MCTP1: variants seen among roughly 807,000 people sequenced by gnomAD.
MCTP1 encodes multiple C2 and transmembrane domain-containing protein 1.
A neutral mutation model predicts 120.6 loss-of-function variants in MCTP1; 69 were observed. That is an observed-to-expected ratio of 0.57 (90% CI 0.47 to 0.70). MCTP1 has a LOEUF of 0.70. MCTP1 is among the 30% of genes least tolerant of loss of function. The probability of loss-of-function intolerance (pLI) is 0.00; values close to 1 mark genes in which losing one functional copy is unlikely to be tolerated. For missense variants in MCTP1, 1,203 were observed against 1,248.8 expected (o/e 0.96, Z 0.55); for synonymous variants, 529 against 493.1 (o/e 1.07, Z -0.96).
chr5:95,085,264 T>C (rs1755340091), intron 1 of MCTP1, among the ~76,000 whole-genome samples: 1 of 152,148 alleles, frequency 6.6e-6, no homozygotes, highest in African/African-American at 2.4e-5. Context: ...CATTACTGTA[T>C]ATCTTTTATA....
At chr5:94,926,884 G>A (rs7702208) in intron 6 of MCTP1, among the ~76,000 whole-genome samples, 17,283 of 152,138 alleles carry the variant, frequency 0.11, 1,050 homozygotes, top group Admixed American at 0.14. Flanking sequence ...TCCTAGACCT[G>A]AAACACAAGC....
chr5:94,721,288 A>C (rs1384110857), intron 19 of MCTP1, among the ~76,000 whole-genome samples: 4 of 152,132 alleles, frequency 2.6e-5, no homozygotes, highest in African/African-American at 7.2e-5. Flanking sequence ...AGGTAAGCAA[A>C]TATTAAATGC....
rs549727334 is a variant in MCTP1 at position 95,251,840 on chromosome 5, T to C, written c.720+32016A>G. ...GATACTATTATCCACAATTAATAGATAAGGAAACTGAGGTGCAAAGAGATT... is the reference window on the plus strand; with the variant it reads ...GATACTATTATCCACAATTAATAGACAAGGAAACTGAGGTGCAAAGAGATT... On this transcript the variant is annotated intron_variant, in intron 1 of 22. Coordinates refer to ENST00000515393, the MANE Select transcript of MCTP1 (RefSeq NM_024717.7). Among the ~76,000 whole-genome samples the C allele has an allele frequency of 4.6e-5, 7 of 152,204 alleles. No homozygotes were observed. The East Asian group carries it at 1.4e-3, about 29-fold the overall frequency.
chr5:95,076,292 C>A (rs931983002), intron 1 of MCTP1, among the ~76,000 whole-genome samples: 2 of 152,124 alleles, frequency 1.3e-5, no homozygotes, highest in East Asian at 3.9e-4. Flanking sequence ...GTAATGACTA[C>A]TGTACACATT....
intron 1 of MCTP1, among the ~76,000 whole-genome samples, chr5:95,174,272 A>ATTTTTT (rs776274422): frequency 6.6e-6 from 1 of 152,206 alleles, no homozygotes; most frequent in Non-Finnish European, 1.5e-5. Context: ...AAAATGGCCC[A>ATTTTTT]TCAACTGTCC....
chr5:94,951,180 T>C (rs1820468518), intron 3 of MCTP1, among the ~76,000 whole-genome samples: 1 of 152,182 alleles, frequency 6.6e-6, no homozygotes, highest in Non-Finnish European at 1.5e-5. Flanking sequence ...GTGCACATTA[T>C]GTAGCTCCCA....
chr5:94,929,600 T>C, intron 6 of MCTP1: 1 of 895,918 alleles, frequency 1.1e-6, no homozygotes, highest in Non-Finnish European at 1.3e-6. Context: ...TAGTAAAATC[T>C]ATAAAGCTAC....
chr5:94,793,192 C>A (rs191919968), intron 18 of MCTP1: 3 of 152,208 alleles, frequency 2.0e-5, no homozygotes, highest in Admixed American at 6.5e-5. Flanking sequence ...AGCCTGATGA[C>A]GATGGTTATT....
chr5:94,804,546 C>A (rs1357081888), intron 17 of MCTP1, among the ~76,000 whole-genome samples: 2 of 152,176 alleles, frequency 1.3e-5, no homozygotes, highest in Middle Eastern at 3.4e-3. Flanking sequence ...TCATGCCATT[C>A]TCTTGCCTCA....
At position 94,813,659 on chromosome 5, in the gene MCTP1, G is replaced by C. The variant is rs554420457; in HGVS notation, c.2437-14527C>G. Among the ~76,000 whole-genome samples the C allele has an allele frequency of 4.6e-5, 7 of 152,228 alleles. No individual in the cohort carries two copies. The South Asian group carries it at 1.5e-3, about 32-fold the overall frequency. Reference sequence around the variant, plus strand: ...ACCTGTAATCCCAGTACTTTGGATGGTGGATCACTTGAGTCCAGGAGTTTA... The same window carrying C: ...ACCTGTAATCCCAGTACTTTGGATGCTGGATCACTTGAGTCCAGGAGTTTA... On this transcript the variant is annotated intron_variant, in intron 17 of 22. Transcript: ENST00000515393.
chr5:94,888,275 T>C (rs1325604898), intron 12 of MCTP1, among the ~76,000 whole-genome samples: 1 of 152,224 alleles, frequency 6.6e-6, no homozygotes, highest in Non-Finnish European at 1.5e-5. Flanking sequence ...AATAGTATTA[T>C]GCAAATCAGG....
At chr5:95,180,504 G>T (rs1748483013) in intron 1 of MCTP1, among the ~76,000 whole-genome samples, 1 of 152,210 alleles carries the variant, frequency 6.6e-6, no homozygotes, top group East Asian at 1.9e-4. Context: ...TTGGTTTCTG[G>T]GCACTGTGCT....
intron 2 of MCTP1, among the ~76,000 whole-genome samples, chr5:94,978,162 A>C (rs1358926925): frequency 6.6e-6 from 1 of 152,150 alleles, no homozygotes; most frequent in Admixed American, 6.6e-5. Context: ...TCAAAAATAC[A>C]ATGAGACATC....
At chr5:95,267,930 G>T (rs1759038407) in intron 1 of MCTP1, among the ~76,000 whole-genome samples, 1 of 152,182 alleles carries the variant, frequency 6.6e-6, no homozygotes. Context: ...CTTCTGCCCA[G>T]AACTGTCTGC....
chr5:95,028,124 T>C (rs1210318300), intron 1 of MCTP1, among the ~76,000 whole-genome samples: 1 of 152,128 alleles, frequency 6.6e-6, no homozygotes, highest in African/African-American at 2.4e-5. Context: ...CAACAAGAAT[T>C]GGGAGAAAAT....
intron 21 of MCTP1, 69 bp from the exon 22 acceptor site, chr5:94,708,678 CT>C (rs1354143025): frequency 6.4e-6 from 6 of 942,542 alleles, no homozygotes; most frequent in Non-Finnish European, 1.0e-5. Flanking sequence ...GAAGATCTAA[CT>C]TGTATGCCTT....
At chr5:95,171,383 T>A (rs904356342) in intron 1 of MCTP1, among the ~76,000 whole-genome samples, 3 of 152,192 alleles carry the variant, frequency 2.0e-5, no homozygotes, top group Non-Finnish European at 4.4e-5. Flanking sequence ...CTGACAATTA[T>A]GTGTCTTGGA....
intron 1 of MCTP1, among the ~76,000 whole-genome samples, chr5:95,263,449 C>CATCCA (rs1758637813): frequency 6.6e-6 from 1 of 152,116 alleles, no homozygotes; most frequent in African/African-American, 2.4e-5. Flanking sequence ...CCTGTGGCAC[C>CATCCA]CATCCAGGCC....
At chr5:94,776,982 G>T (rs1256770315) in intron 19 of MCTP1, among the ~76,000 whole-genome samples, 1 of 152,036 alleles carries the variant, frequency 6.6e-6, no homozygotes, top group African/African-American at 2.4e-5. Flanking sequence ...GCACTTAAAA[G>T]CCTACTGTAA....
Sources: gnomAD v4.1 joint callset for allele counts (sites outside exome capture counted in the v4.1 genomes callset) on GRCh38, gnomAD v4.1.1 for gene constraint, MANE v1.5 for transcripts, NCBI Gene and HGNC (gene_info 2026-07-23, HGNC 2026-07-21) for gene names.